Variants in CALCRL observed in about 807,000 individuals in gnomAD.
CALCRL encodes calcitonin gene-related peptide type 1 receptor.
A neutral mutation model predicts 60.4 loss-of-function variants in CALCRL; 27 were observed. The observed-to-expected ratio is 0.45, with a 90% CI of 0.33 to 0.62. The LOEUF is 0.62. Among genes scored for constraint, CALCRL ranks in the 20% least tolerant of loss-of-function variants. CALCRL has a pLI of 0.03. For synonymous variants in CALCRL, 190 were observed against 182.6 expected (o/e 1.04, Z -0.33); for missense variants, 424 against 540.7 (o/e 0.78, Z 2.14).
chr2:187,380,771 T>C lies in CALCRL; in HGVS notation c.201A>G (p.Arg67=). 1.2e-6 allele frequency: 2 copies of C among 1,613,890 alleles called. No individual in the cohort carries two copies. The highest frequency in any genetic ancestry group is 8.5e-7 in the Non-Finnish European group (1 of 1,179,802). The part of the protein sequence containing the change: ...IQQAEGVYCN[R]TWDGWLCWND... The stretch of plus-strand genomic sequence containing the variant: ...TCCAGCAGAGCCATCCATCCCAGGT[T>C]CTGTTGCAGTAAACGCCTTAGTGGG... The change falls in exon 6 of 15, where the codon AGA becomes AGG. Residue 67 remains arginine (R), a synonymous_variant. Transcript: ENST00000392370.
intron 9 of CALCRL, among the ~76,000 whole-genome samples, chr2:187,362,279 TCC>T (rs1231146132): frequency 6.6e-6 from 1 of 152,018 alleles, no homozygotes; most frequent in East Asian, 1.9e-4. Context: ...ACTCTGAATC[TCC>T]TTGTCTTACA....
chr2:187,434,346 A>G (rs1327527315), intron 1 of CALCRL, among the ~76,000 whole-genome samples: 1 of 152,200 alleles, frequency 6.6e-6, no homozygotes, highest in Non-Finnish European at 1.5e-5. Context: ...TCAATTAGAA[A>G]CAAATGTTTC....
chr2:187,377,010 G>A (rs1287855585), intron 8 of CALCRL, among the ~76,000 whole-genome samples: 1 of 151,974 alleles, frequency 6.6e-6, no homozygotes, highest in Non-Finnish European at 1.5e-5. Context: ...AGTAATTCGG[G>A]AAGATTTCAC....
At chr2:187,427,086 T>A (rs1690174689) in intron 1 of CALCRL, among the ~76,000 whole-genome samples, 1 of 152,122 alleles carries the variant, frequency 6.6e-6, no homozygotes, top group African/African-American at 2.4e-5. Flanking sequence ...GAATGGGTGA[T>A]ACAACACTTG....
intron 1 of CALCRL, among the ~76,000 whole-genome samples, chr2:187,394,223 G>A (rs924799903): frequency 2.0e-5 from 3 of 151,984 alleles, no homozygotes; most frequent in Admixed American, 6.6e-5. Flanking sequence ...CAAGGAAATG[G>A]GGACTTCAGT....
chr2:187,359,304 G>T, intron 10 of CALCRL, 32 bp from the exon 11 acceptor site: 1 of 1,438,056 alleles, frequency 7.0e-7, no homozygotes, highest in Non-Finnish European at 9.3e-7. Context: ...AAAATAAATA[G>T]GCATTTTTTC....
At chr2:187,390,435 T>G (rs1688388534) in intron 1 of CALCRL, among the ~76,000 whole-genome samples, 1 of 152,178 alleles carries the variant, frequency 6.6e-6, no homozygotes, top group Non-Finnish European at 1.5e-5. Flanking sequence ...AATATGCACA[T>G]GAACTCCAAA....
chr2:187,407,942 T>C (rs1689204566), intron 1 of CALCRL, among the ~76,000 whole-genome samples: 1 of 152,098 alleles, frequency 6.6e-6, no homozygotes, highest in African/African-American at 2.4e-5. Context: ...CCCACCTCTA[T>C]ATGTTAACTT....
At chr2:187,362,816 A>T (rs373230561) in intron 9 of CALCRL, among the ~76,000 whole-genome samples, 7 of 152,274 alleles carry the variant, frequency 4.6e-5, no homozygotes, top group Admixed American at 3.3e-4. Context: ...TTTTTAAAAC[A>T]TTATGCTATG....
Position 187,382,289 on chromosome 2 carries a change from T to C in CALCRL, c.184+884A>G, listed in dbSNP as rs189835563. Among the ~76,000 whole-genome samples the C allele has an allele frequency of 5.0e-3, 768 of 152,302 alleles. 5 individuals are homozygous for C. Among genetic ancestry groups the C allele is most frequent in the Non-Finnish European group, 7.1e-3 (484 of 68,014 alleles). On this transcript the variant is annotated intron_variant, in intron 5 of 14. Coordinates refer to ENST00000392370, the MANE Select transcript of CALCRL (RefSeq NM_005795.6). ...CTTTATTGCAAGACTTTCTAGAGTA[T>C]TTAAAATTACAAAGTACATTATGAA...
chr2:187,358,927 C>T (rs540056388), intron 12 of CALCRL, 136 bp downstream of exon 12: 8 of 757,122 alleles, frequency 1.1e-5, no homozygotes, highest in South Asian at 4.6e-5. Context: ...CTTCACTAAA[C>T]GCTATTCATT....
At chr2:187,409,512 T>C (rs1032426281) in intron 1 of CALCRL, among the ~76,000 whole-genome samples, 5 of 152,202 alleles carry the variant, frequency 3.3e-5, no homozygotes, top group African/African-American at 1.2e-4. Flanking sequence ...GTGAAATTAT[T>C]AAATGTCATG....
At chr2:187,373,208 G>A (rs1462994173) in intron 8 of CALCRL, among the ~76,000 whole-genome samples, 1 of 152,052 alleles carries the variant, frequency 6.6e-6, no homozygotes, top group Non-Finnish European at 1.5e-5. Context: ...ACAAAGCAGA[G>A]GAGACTCCTG....
At chr2:187,365,248 T>C (rs995945693) in intron 8 of CALCRL, among the ~76,000 whole-genome samples, 2 of 152,182 alleles carry the variant, frequency 1.3e-5, no homozygotes, top group African/African-American at 4.8e-5. Context: ...TAATGTTCTT[T>C]TCAAATCAGT....
intron 1 of CALCRL, among the ~76,000 whole-genome samples, chr2:187,413,341 CAT>C (rs1689449782): frequency 6.6e-6 from 1 of 152,048 alleles, no homozygotes; most frequent in African/African-American, 2.4e-5. Context: ...TCTTTGATAT[CAT>C]ATATAATTAT....
intron 1 of CALCRL, among the ~76,000 whole-genome samples, chr2:187,421,408 A>G (rs1689865985): frequency 6.6e-6 from 1 of 152,196 alleles, no homozygotes; most frequent in South Asian, 2.1e-4. Context: ...TGGAAAGTTC[A>G]AGGTGTTTCT....
In CALCRL at chr2:187,396,447, C is replaced by T. The variant is rs370877794; in HGVS notation, c.-292-8691G>A. On this transcript the variant is annotated intron_variant, in intron 1 of 14. Coordinates refer to ENST00000392370, the MANE Select transcript of CALCRL (RefSeq NM_005795.6). ...TGGAACAGGCTTAATGCTTATAGGA[C>T]TAGAAATTAACATTTTCTGAATTTT... Among the ~76,000 whole-genome samples the T allele has an allele frequency of 9.8e-4, 149 of 151,798 alleles. 1 individual carries two copies. Among genetic ancestry groups the T allele is most frequent in the Non-Finnish European group, 1.8e-3 (119 of 67,810 alleles).
chr2:187,387,052 AAC>A (rs1281291075), intron 3 of CALCRL, among the ~76,000 whole-genome samples: 6 of 152,194 alleles, frequency 3.9e-5, no homozygotes, highest in Non-Finnish European at 8.8e-5. Context: ...GCAGCATGAA[AAC>A]GGACTAATAC....
chr2:187,407,377 T>C (rs1486757253), intron 1 of CALCRL, among the ~76,000 whole-genome samples: 1 of 152,078 alleles, frequency 6.6e-6, no homozygotes, highest in Non-Finnish European at 1.5e-5. Flanking sequence ...GTTTTGTCTG[T>C]TTGTAAAGTA....
Sources: gnomAD v4.1 joint callset for allele counts (sites outside exome capture counted in the v4.1 genomes callset) on GRCh38, gnomAD v4.1.1 for gene constraint, MANE v1.5 for transcripts, NCBI Gene and HGNC (gene_info 2026-07-23, HGNC 2026-07-21) for gene names.